The following TNNI3K variants were observed in gnomAD, a reference collection of about 807,000 sequenced individuals.
TNNI3K encodes serine/threonine-protein kinase TNNI3K.
In TNNI3K, 140 loss-of-function variants were observed where a neutral mutation model predicts 114.5. The ratio of observed to expected loss-of-function variants is 1.22; its 90% CI spans 1.07 to 1.41. The LOEUF (loss-of-function observed/expected upper bound fraction) is 1.41, where lower values mean the gene tolerates loss of function less well. Among genes scored for constraint, TNNI3K ranks in the 40% most tolerant of loss-of-function variants. TNNI3K has a pLI of 0.00. For synonymous variants in TNNI3K, 347 were observed against 347.5 expected, an observed-to-expected ratio of 1.00 and a Z score of 0.02; for missense variants, 1,125 against 1,007.6, an observed-to-expected ratio of 1.12 and a Z score of -1.58.
Position 74,288,577 on chromosome 1 carries a change from C to G in TNNI3K, c.444+16869C>G, listed in dbSNP as rs1433279060. ...GTAAAATCTTAAAGCCTTAAAATTA[C>G]AGAAGCAGAGAGTAGAATGGTGGTT... On this transcript the variant is annotated intron_variant, in intron 5 of 24. Transcript: ENST00000326637. Among the ~76,000 whole-genome samples, 2 of 152,010 alleles carry G rather than the reference C, an allele frequency of 1.3e-5. 1 individual carries two copies. Among genetic ancestry groups the G allele is most frequent in the African/African-American group, 4.8e-5 (2 of 41,414 alleles).
chr1:74,330,094 G>A (rs185646971), intron 5 of TNNI3K, among the ~76,000 whole-genome samples: 121 of 152,184 alleles, frequency 8.0e-4, no homozygotes, highest in Non-Finnish European at 3.1e-4. Flanking sequence ...AGAAAAGAGA[G>A]ACTCGAAGAC....
intron 11 of TNNI3K, among the ~76,000 whole-genome samples, chr1:74,358,167 C>G (rs1437321174): frequency 1.3e-5 from 2 of 151,996 alleles, no homozygotes; most frequent in Admixed American, 6.6e-5. Context: ...AAACTAGAAA[C>G]AGAACTAAAA....
intron 5 of TNNI3K, among the ~76,000 whole-genome samples, chr1:74,281,243 G>A (rs1048209067): frequency 1.3e-5 from 2 of 151,978 alleles, no homozygotes; most frequent in Non-Finnish European, 2.9e-5. Flanking sequence ...GTGACCCAGC[G>A]CAGTCTCAGC....
At chr1:74,515,906 C>T (rs981825284) in intron 23 of TNNI3K, among the ~76,000 whole-genome samples, 1 of 152,172 alleles carries the variant, frequency 6.6e-6, no homozygotes, top group African/African-American at 2.4e-5. Flanking sequence ...CCCCATAGTG[C>T]CAGTTTACCT....
chr1:74,327,838 A>G (rs1158267471), intron 5 of TNNI3K, among the ~76,000 whole-genome samples: 1 of 150,742 alleles, frequency 6.6e-6, no homozygotes, highest in Non-Finnish European at 1.5e-5. Context: ...AAAGTATATT[A>G]AGATAGCTGT....
At position 74,342,800 on chromosome 1, in the gene TNNI3K, C is replaced by T. The variant is rs779540809; in HGVS notation, c.683-42C>T. The T allele has an allele frequency of 1.6e-5, 26 of 1,609,138 alleles. No homozygotes were observed. The South Asian group carries it at 2.4e-4, about 15-fold the overall frequency. On this transcript the variant is annotated intron_variant, in intron 7 of 24. Transcript: ENST00000326637. The stretch of plus-strand genomic sequence containing the variant: ...ATACATATGAAGGTTGAGAAACAAA[C>T]AATTCTAGATAACATATCTTTTTCT...
At chr1:74,436,575 TA>T in intron 19 of TNNI3K, 49 bp downstream of exon 19, 2 of 1,556,220 alleles carry the variant, frequency 1.3e-6, no homozygotes. Context: ...TTAAAATATG[TA>T]AACTCAGCAT....
At chr1:74,272,138 A>T (rs1297590000) in intron 5 of TNNI3K, among the ~76,000 whole-genome samples, 1 of 151,880 alleles carries the variant, frequency 6.6e-6, no homozygotes, top group Non-Finnish European at 1.5e-5. Flanking sequence ...AAAATCATTC[A>T]CTCATTCATC....
At position 74,296,307 on chromosome 1, in the gene TNNI3K, C is replaced by G. The variant is rs114646767; in HGVS notation, c.444+24599C>G. On this transcript the variant is annotated intron_variant, in intron 5 of 24. Transcript: ENST00000326637. ...AAAAAAAATCTGATATAACATTGTTCATTAAAGTATAATTAAATTTGCTAC... is the reference window on the plus strand; with the variant it reads ...AAAAAAAATCTGATATAACATTGTTGATTAAAGTATAATTAAATTTGCTAC... Among the ~76,000 whole-genome samples the G allele has an allele frequency of 6.4e-3, 970 of 151,632 alleles. 11 individuals carry two copies. The highest frequency in any genetic ancestry group is 0.022 in the African/African-American group (926 of 41,414).
At position 74,543,347 on chromosome 1, in the gene TNNI3K, C is replaced by T. The variant is rs148230976; in HGVS notation, c.2432-559C>T. 9.7e-4 allele frequency among the ~76,000 whole-genome samples: 148 copies of T among 152,202 alleles called. 1 individual carries two copies. Among genetic ancestry groups the T allele is most frequent in the African/African-American group, 3.2e-3 (131 of 41,546 alleles). On this transcript the variant is annotated intron_variant, in intron 24 of 24. Transcript: ENST00000326637. ...GGGCCATCCCAAAGTGCTGGGATTA[C>T]AGGCATGAGCCACTGCACCTGGACT... is the stretch of plus-strand genomic sequence containing the variant.
chr1:74,409,133 A>G (rs1664760036), intron 17 of TNNI3K, among the ~76,000 whole-genome samples: 1 of 152,170 alleles, frequency 6.6e-6, no homozygotes, highest in African/African-American at 2.4e-5. Context: ...TCCCTATAAG[A>G]TAGAAAAGAC....
intron 17 of TNNI3K, among the ~76,000 whole-genome samples, chr1:74,433,182 T>C (rs555066736): frequency 6.6e-6 from 1 of 152,192 alleles, no homozygotes; most frequent in African/African-American, 2.4e-5. Flanking sequence ...TTAATAATAA[T>C]TGTACCACTT....
chr1:74,525,501 C>A (rs1646491789), intron 23 of TNNI3K, among the ~76,000 whole-genome samples: 1 of 152,138 alleles, frequency 6.6e-6, no homozygotes, highest in Admixed American at 6.6e-5. Flanking sequence ...AACATTGAAT[C>A]TGAGAGATGA....
intron 23 of TNNI3K, among the ~76,000 whole-genome samples, chr1:74,521,758 AAATGAATACATG>A (rs1232532010): frequency 1.3e-5 from 2 of 152,190 alleles, no homozygotes; most frequent in African/African-American, 4.8e-5. Context: ...AGGGTCTCAT[AAATGAATACATG>A]AATGAATAAA....
intron 17 of TNNI3K, among the ~76,000 whole-genome samples, chr1:74,384,043 G>A (rs1250140584): frequency 6.6e-6 from 1 of 151,668 alleles, no homozygotes; most frequent in Non-Finnish European, 1.5e-5. Context: ...AAAATATAGG[G>A]ATGTATAGTC....
At chr1:74,540,876 T>C (rs558442286) in intron 24 of TNNI3K, among the ~76,000 whole-genome samples, 23 of 152,276 alleles carry the variant, frequency 1.5e-4, no homozygotes, top group African/African-American at 5.5e-4. Context: ...ACACAGGACT[T>C]CTTCAGAAAG....
intron 3 of TNNI3K, among the ~76,000 whole-genome samples, chr1:74,249,976 GT>G (rs1654829675): frequency 6.6e-6 from 1 of 152,146 alleles, no homozygotes; most frequent in Non-Finnish European, 1.5e-5. Flanking sequence ...AAGATTAAGA[GT>G]TTAATTTGGC....
intron 23 of TNNI3K, among the ~76,000 whole-genome samples, chr1:74,522,489 T>C (rs1483262344): frequency 6.6e-6 from 1 of 152,024 alleles, no homozygotes; most frequent in Non-Finnish European, 1.5e-5. Context: ...GTAGTACGAG[T>C]TGCATGACTA....
chr1:74,498,209 A>G (rs1335204421), intron 23 of TNNI3K, among the ~76,000 whole-genome samples: 1 of 152,202 alleles, frequency 6.6e-6, no homozygotes, highest in Non-Finnish European at 1.5e-5. Context: ...TTATCCTACC[A>G]TCAACCTATC....
Sources: allele counts gnomAD v4.1 joint callset (sites outside exome capture counted in the v4.1 genomes callset), GRCh38; gene constraint gnomAD v4.1.1; transcripts MANE v1.5; gene names NCBI Gene and HGNC (gene_info 2026-07-23, HGNC 2026-07-21).